ADCK1: variants seen among roughly 807,000 people sequenced by gnomAD.
ADCK1 encodes the protein aarF domain-containing protein kinase 1.
In ADCK1, 41 loss-of-function variants were observed where a neutral mutation model predicts 52.3. The ratio of observed to expected loss-of-function variants is 0.78; its 90% confidence interval spans 0.61 to 1.02. ADCK1 has a LOEUF of 1.02. Ranked by LOEUF, ADCK1 falls within the 50% of genes least tolerant of loss-of-function variation. The pLI is 0.00. For synonymous variants in ADCK1, 250 were observed against 274.6 expected (o/e 0.91, Z 0.89); for missense variants, 658 against 679.5 (o/e 0.97, Z 0.35).
intron 3 of ADCK1, among the ~76,000 whole-genome samples, chr14:77,854,160 A>G (rs2082368713): frequency 1.3e-5 from 2 of 152,218 alleles, no homozygotes; most frequent in Admixed American, 1.3e-4. Flanking sequence ...GAAAAAGTCC[A>G]AGTTTAGCCT....
At chr14:77,932,115 C>G (rs59617388) in intron 10 of ADCK1, among the ~76,000 whole-genome samples, 1 of 151,356 alleles carries the variant, frequency 6.6e-6, no homozygotes, top group East Asian at 2.0e-4. Flanking sequence ...GTGGTGTGAT[C>G]TCGGCTCACT....
chr14:77,918,799 A>G (rs186369002), intron 7 of ADCK1, among the ~76,000 whole-genome samples: 2 of 152,328 alleles, frequency 1.3e-5, no homozygotes, highest in East Asian at 3.9e-4. Flanking sequence ...TGACTTTGCT[A>G]TTGACAATTA....
At chr14:77,929,769 TG>T (rs2140303642) in intron 9 of ADCK1, among the ~76,000 whole-genome samples, 1 of 152,188 alleles carries the variant, frequency 6.6e-6, no homozygotes, top group South Asian at 2.1e-4. Context: ...TGGGTTCAAG[TG>T]GTTCTCCTGC....
At chr14:77,828,081 G>A in intron 3 of ADCK1, 1 of 196,942 alleles carries the variant, frequency 5.1e-6, no homozygotes, top group Non-Finnish European at 1.1e-5. Context: ...GCCCGCCTCG[G>A]CCTCCCAAAG....
rs1054493485 is a variant in ADCK1, at chr14:77,923,194, A to G, written c.859-1263A>G. ...GAAAAGGCCTTTGAGAACGTATGGCAAGGGAACCTCATTTTGCCTGGGAGG... is the reference window on the plus strand; with the variant it reads ...GAAAAGGCCTTTGAGAACGTATGGCGAGGGAACCTCATTTTGCCTGGGAGG... On this transcript the variant is annotated intron_variant, in intron 7 of 10. Coordinates refer to ENST00000238561, the MANE Select transcript of ADCK1 (RefSeq NM_020421.4). This position sits in a 1 kb window ranked among gnomAD's most constrained non-coding sequence, Gnocchi z 4.3. 1 of 152,248 alleles carries G rather than the reference A, an allele frequency of 6.6e-6. No individual in the cohort carries two copies. Among genetic ancestry groups the G allele is most frequent in the African/African-American group, 2.4e-5 (1 of 41,454 alleles). 9.4% of individuals were successfully genotyped at this position (152,248 alleles called of 1,614,324 possible).
intron 6 of ADCK1, among the ~76,000 whole-genome samples, chr14:77,904,293 T>C (rs545600536): frequency 6.6e-6 from 1 of 152,330 alleles, no homozygotes; most frequent in Admixed American, 6.5e-5. Context: ...GGGGTTGTGC[T>C]TCCACTGTAA....
intron 4 of ADCK1, among the ~76,000 whole-genome samples, chr14:77,881,751 C>A (rs1437400780): frequency 6.6e-6 from 1 of 152,172 alleles, no homozygotes; most frequent in Non-Finnish European, 1.5e-5. Flanking sequence ...CTTCAGCCTT[C>A]CAAAGTGCTG....
At chr14:77,867,894 G>A (rs2082696520) in intron 4 of ADCK1, among the ~76,000 whole-genome samples, 1 of 152,222 alleles carries the variant, frequency 6.6e-6, no homozygotes, top group South Asian at 2.1e-4. Flanking sequence ...GCTGTGGTGA[G>A]GAATGAATGC....
At chr14:77,893,283 C>T (rs1055445767) in intron 5 of ADCK1, among the ~76,000 whole-genome samples, 6 of 152,080 alleles carry the variant, frequency 3.9e-5, no homozygotes, top group African/African-American at 1.4e-4. Context: ...GGCGGGCTGG[C>T]TTTGCAGCAG....
At chr14:77,830,125 T>C (rs10149767) in intron 3 of ADCK1, among the ~76,000 whole-genome samples, 29,380 of 150,930 alleles carry the variant, frequency 0.19, 3,943 homozygotes, top group African/African-American at 0.31. Context: ...TGCTTAAAGT[T>C]ATTGCATCAT....
Position 77,900,082 on chromosome 14 carries a change from A to AAG in ADCK1, c.741+825_741+826insGA, listed in dbSNP as rs1555357750. Among the ~76,000 whole-genome samples the AAG allele has an allele frequency of 9.9e-4, 110 of 110,602 alleles. 2 individuals carry two copies. The highest frequency in any genetic ancestry group is 8.9e-4 in the Non-Finnish European group (50 of 56,094). 72.6% of individuals were successfully genotyped at this position (110,602 alleles called of 152,430 possible). On this transcript the variant is annotated intron_variant, in intron 6 of 10. Coordinates refer to ENST00000238561, the MANE Select transcript of ADCK1 (RefSeq NM_020421.4). ...TGAAACTCCGTCTCAAAAAAAAAAAAAAAGAAAATTCATCAGTAATACAGT... is the reference window on the plus strand; with the variant it reads ...TGAAACTCCGTCTCAAAAAAAAAAAAAGAAAGAAAATTCATCAGTAATACAGT...
At chr14:77,868,385 G>C (rs1408406471) in intron 4 of ADCK1, among the ~76,000 whole-genome samples, 1 of 152,184 alleles carries the variant, frequency 6.6e-6, no homozygotes, top group African/African-American at 2.4e-5. Flanking sequence ...TCGAGCAATC[G>C]GGCTGGGCTT....
Position 77,914,512 on chromosome 14 carries a change from C to T in ADCK1, c.858+6593C>T, listed in dbSNP as rs1019335664. The T allele has an allele frequency of 4.1e-6, 4 of 985,324 alleles. No homozygotes were observed. In the African/African-American group the frequency reaches 5.2e-5, roughly 13 times the overall value. 61.0% of individuals were successfully genotyped at this position (985,324 alleles called of 1,614,324 possible). ...AGCTACCATGTGCAAGCACTGAGTG[C>T]ACTTGCTACAATAGAGGTGTGAGCA... is the stretch of plus-strand genomic sequence containing the variant. On this transcript the variant is annotated intron_variant, in intron 7 of 10. Coordinates refer to ENST00000238561, the MANE Select transcript of ADCK1 (RefSeq NM_020421.4).
chr14:77,892,085 G>C lies in ADCK1; in HGVS notation c.582+4836G>C, dbSNP rs555204242. On this transcript the variant is annotated intron_variant, in intron 5 of 10. Transcript: ENST00000238561. ...TCCTTTCATGCCAACTCCAGGTGTG[G>C]TGTGCCCTTATGCTTCTCTCCCACT... Among the ~76,000 whole-genome samples the C allele has an allele frequency of 9.9e-5, 15 of 152,254 alleles. No individual in the cohort carries two copies. The South Asian group carries it at 3.1e-3, about 32-fold the overall frequency.
chr14:77,921,055 G>A (rs370453062), intron 7 of ADCK1, among the ~76,000 whole-genome samples: 1 of 151,742 alleles, frequency 6.6e-6, no homozygotes, highest in Non-Finnish European at 1.5e-5. Flanking sequence ...GGCCAGGCGC[G>A]GTGGCTCACG....
intron 6 of ADCK1, among the ~76,000 whole-genome samples, chr14:77,904,957 C>G (rs530110092): frequency 2.5e-4 from 38 of 152,208 alleles, no homozygotes; most frequent in African/African-American, 8.2e-4. Context: ...CACCCCACAC[C>G]CCCAGGTCCT....
At chr14:77,814,157 C>T (rs904765274) in intron 1 of ADCK1, among the ~76,000 whole-genome samples, 3 of 151,920 alleles carry the variant, frequency 2.0e-5, no homozygotes, top group African/African-American at 7.3e-5. Flanking sequence ...CAGCTCACTG[C>T]AACCTTTGCC....
chr14:77,885,851 A>G (rs1470322276), intron 4 of ADCK1, among the ~76,000 whole-genome samples: 1 of 152,240 alleles, frequency 6.6e-6, no homozygotes, highest in Non-Finnish European at 1.5e-5. Flanking sequence ...GCCTTGGCCA[A>G]TCTTGGAAAA....
chr14:77,874,660 G>C (rs555899014), intron 4 of ADCK1, among the ~76,000 whole-genome samples: 1 of 147,730 alleles, frequency 6.8e-6, no homozygotes, highest in Admixed American at 7.1e-5. Flanking sequence ...CCAATCATTT[G>C]TGTATTCATT....
Sources: allele counts gnomAD v4.1 joint callset (sites outside exome capture counted in the v4.1 genomes callset), GRCh38; gene constraint gnomAD v4.1.1; non-coding constraint Gnocchi (gnomAD v3.1); transcripts MANE v1.5; gene names NCBI Gene and HGNC (gene_info 2026-07-23, HGNC 2026-07-21).